Variants in NREP observed in about 807,000 individuals in gnomAD.
NREP encodes the protein neuronal regeneration related protein, also known as neuronal regeneration-related protein.
In NREP, 5 loss-of-function variants were observed where a neutral mutation model predicts 8.6. The observed-to-expected ratio is 0.58, with a 90% CI of 0.30 to 1.22. The LOEUF is 1.22. Among genes scored for constraint, NREP ranks in the 50% most tolerant of loss-of-function variants. The pLI is 0.07. For missense variants in NREP, 86 were observed against 82.5 expected, an observed-to-expected ratio of 1.04 and a Z score of -0.17; for synonymous variants, 27 against 28.0, an observed-to-expected ratio of 0.96 and a Z score of 0.11.
intron 2 of NREP, among the ~76,000 whole-genome samples, chr5:111,841,550 C>G (rs1360610223): frequency 6.6e-6 from 1 of 152,104 alleles, no homozygotes; most frequent in Non-Finnish European, 1.5e-5. Flanking sequence ...TAGTGGAAGA[C>G]ATAATGTCTA....
At chr5:111,942,642 T>TA (rs952292220) in intron 2 of NREP, among the ~76,000 whole-genome samples, 61 of 151,216 alleles carry the variant, frequency 4.0e-4, no homozygotes, top group Admixed American at 9.2e-4. Context: ...GCACTAGTTT[T>TA]AAAAAAAAAC....
At chr5:111,965,324 T>C (rs753267464) in intron 2 of NREP, among the ~76,000 whole-genome samples, 7 of 152,160 alleles carry the variant, frequency 4.6e-5, no homozygotes, top group Non-Finnish European at 1.0e-4. Flanking sequence ...AATTAAAATA[T>C]TTAATACACA....
intron 2 of NREP, among the ~76,000 whole-genome samples, chr5:111,937,083 C>T (rs1755705809): frequency 6.6e-6 from 1 of 152,240 alleles, no homozygotes. Flanking sequence ...CCACTCCCTT[C>T]AGGAGAACAG....
At chr5:111,935,102 C>T (rs573772759) in intron 2 of NREP, among the ~76,000 whole-genome samples, 2 of 152,212 alleles carry the variant, frequency 1.3e-5, no homozygotes, top group African/African-American at 4.8e-5. Flanking sequence ...ATATACAGTA[C>T]TTTTGAAAAC....
chr5:111,829,607 A>G (rs569155311), intron 2 of NREP, among the ~76,000 whole-genome samples: 2 of 152,044 alleles, frequency 1.3e-5, no homozygotes, highest in East Asian at 3.9e-4. Flanking sequence ...TCCTCCATCA[A>G]ATTTCTTTCT....
chr5:111,748,883 G>A (rs779851325), intron 2 of NREP, among the ~76,000 whole-genome samples: 2 of 152,070 alleles, frequency 1.3e-5, no homozygotes, highest in Non-Finnish European at 2.9e-5. Flanking sequence ...GCAGAAATAA[G>A]CCAGCCGCAA....
intron 3 of NREP, 77 bp from the exon 4 acceptor site, chr5:111,731,123 T>A: frequency 6.4e-7 from 1 of 1,552,716 alleles, no homozygotes; most frequent in Non-Finnish European, 8.7e-7. Flanking sequence ...AACCATTTTT[T>A]AAAATTTTGC....
rs1003052183 is a variant in NREP at position 111,757,137 on chromosome 5, G to A, written c.-60C>T. 1.0e-6 allele frequency: 1 copy of A among 965,500 alleles called. No individual in the cohort carries two copies. The highest frequency in any genetic ancestry group is 1.2e-6 in the Non-Finnish European group (1 of 812,702). 59.8% of individuals were successfully genotyped at this position (965,500 alleles called of 1,614,324 possible). A position where few individuals can be genotyped will look rare whatever the true frequency, so the allele number is the denominator to read the frequency against. ...GGGATAGGAATGGCATATACTTACA[G>A]ACAAAAGCCCCGCTCCCTGTTCACT... On this transcript the variant is annotated splice_region_variant and 5_prime_UTR_variant, in exon 1 of 4. Coordinates refer to ENST00000257435, the MANE Select transcript of NREP (RefSeq NM_004772.4).
chr5:111,956,593 A>G (rs1756326895), intron 2 of NREP, among the ~76,000 whole-genome samples: 1 of 152,202 alleles, frequency 6.6e-6, no homozygotes, highest in Non-Finnish European at 1.5e-5. Context: ...AATTACAGAA[A>G]GAGTAAAAAC....
intron 2 of NREP, among the ~76,000 whole-genome samples, chr5:111,973,009 A>T (rs42308): frequency 6.6e-6 from 1 of 151,974 alleles, no homozygotes. Context: ...GGTTGTGTGT[A>T]GCTGCACCAG....
intron 2 of NREP, among the ~76,000 whole-genome samples, chr5:111,965,992 A>C (rs1017282654): frequency 3.3e-5 from 5 of 152,218 alleles, no homozygotes; most frequent in Admixed American, 2.0e-4. Context: ...CCGTGATGTG[A>C]ATGGCCTCCC....
intron 2 of NREP, among the ~76,000 whole-genome samples, chr5:111,961,926 T>A (rs1192041845): frequency 6.6e-6 from 1 of 152,222 alleles, no homozygotes; most frequent in Non-Finnish European, 1.5e-5. Flanking sequence ...AGAATGTCAG[T>A]GAGCAATTAG....
At chr5:111,886,821 G>T (rs1383364669) in intron 2 of NREP, among the ~76,000 whole-genome samples, 2 of 151,404 alleles carry the variant, frequency 1.3e-5, no homozygotes, top group Non-Finnish European at 2.9e-5. Context: ...GGGGACTGTT[G>T]TGGGGTTGGG....
intron 2 of NREP, among the ~76,000 whole-genome samples, chr5:111,897,547 T>C (rs1754540470): frequency 1.3e-5 from 2 of 152,172 alleles, no homozygotes; most frequent in Non-Finnish European, 2.9e-5. Flanking sequence ...GCTTTCCTTC[T>C]GCTTTCTTGG....
chr5:111,897,104 T>C (rs1754529584), intron 2 of NREP, among the ~76,000 whole-genome samples: 1 of 152,132 alleles, frequency 6.6e-6, no homozygotes, highest in Non-Finnish European at 1.5e-5. Flanking sequence ...CTACAAATTA[T>C]TACATTTAAA....
chr5:111,779,992 G>A (rs1751455538), intron 2 of NREP, among the ~76,000 whole-genome samples: 1 of 152,202 alleles, frequency 6.6e-6, no homozygotes, highest in South Asian at 2.1e-4. Context: ...AATCAGAGAT[G>A]GAAAACTTAA....
chr5:111,949,891 C>G (rs984391608), intron 2 of NREP, among the ~76,000 whole-genome samples: 4 of 152,054 alleles, frequency 2.6e-5, no homozygotes, highest in African/African-American at 7.2e-5. Flanking sequence ...AATAAACATA[C>G]ATGTGCACGT....
chr5:111,964,890 A>T (rs369488379), intron 2 of NREP, among the ~76,000 whole-genome samples: 16,849 of 135,908 alleles, frequency 0.12, 1,553 homozygotes, highest in Non-Finnish European at 0.17. Flanking sequence ...AAAAAAAAAA[A>T]AAAAAGAAAC....
intron 2 of NREP, among the ~76,000 whole-genome samples, chr5:111,921,358 C>T (rs1172087825): frequency 2.0e-5 from 3 of 152,082 alleles, no homozygotes; most frequent in African/African-American, 7.2e-5. Context: ...ATCTCCAATT[C>T]AGCCATTTAG....
Sources: allele counts gnomAD v4.1 joint callset (sites outside exome capture counted in the v4.1 genomes callset), GRCh38; gene constraint gnomAD v4.1.1; transcripts MANE v1.5; gene names NCBI Gene and HGNC (gene_info 2026-07-23, HGNC 2026-07-21).